The following SLC18A1 variants were observed in gnomAD, a reference collection of about 807,000 sequenced individuals.
SLC18A1 encodes the protein solute carrier family 18 member A1, also known as chromaffin granule amine transporter.
In SLC18A1, 69 loss-of-function variants were observed where a neutral mutation model predicts 53.7. The observed-to-expected ratio is 1.28, with a 90% CI of 1.06 to 1.57. SLC18A1 has a LOEUF of 1.57. Ranked by LOEUF, SLC18A1 falls within the 40% of genes most tolerant of loss-of-function variation. The pLI is 0.00. For synonymous variants in SLC18A1, 320 were observed against 248.1 expected (o/e 1.29, Z -2.72); for missense variants, 932 against 668.1 (o/e 1.40, Z -4.35).
At position 20,179,380 on chromosome 8, in the gene SLC18A1, C is replaced by T; in HGVS notation, c.229G>A (p.Ala77Thr). Residue 77 changes from alanine to threonine, a missense_variant, in exon 3 of 16, where the codon GCC becomes ACC. Transcript: ENST00000276373. Reference protein sequence around the residue: ...GSSPHALASPAFSTIFSFFNN... With the variant: ...GSSPHALASPTFSTIFSFFNN... ...AAGAAGGAGAAGATGGTGGAAAAGG[C>T]AGGAGAGGCGAGGGCATGTGGGGAA... The T allele has an allele frequency of 6.2e-7, 1 of 1,614,086 alleles. No individual in the cohort carries two copies.
Position 20,173,266 on chromosome 8 carries a change from C to A in SLC18A1, c.632-138G>T, listed in dbSNP as rs911515424. ...GTTTGAGGGGTTTTACAAAACTTAA[C>A]CCGTAGTATTTTTCAAGTACTACCC... On this transcript the variant is annotated intron_variant, in intron 5 of 15. Transcript: ENST00000276373. 3.8e-5 allele frequency: 25 copies of A among 658,892 alleles called. No homozygotes were observed. In the African/African-American group the frequency reaches 4.4e-4, roughly 12 times the overall value. The allele number at this position is 658,892 out of a possible 1,614,324, so 40.8% of individuals were successfully genotyped here. A position where few individuals can be genotyped will look rare whatever the true frequency, so the allele number is the denominator to read the frequency against.
chr8:20,146,071 A>T (rs1344654992), intron 15 of SLC18A1, among the ~76,000 whole-genome samples, 195 bp from the exon 16 acceptor site: 1 of 151,800 alleles, frequency 6.6e-6, no homozygotes, highest in Non-Finnish European at 1.5e-5. Context: ...GCCCATCACC[A>T]CGCCAGGCTA....
intron 4 of SLC18A1, among the ~76,000 whole-genome samples, 153 bp downstream of exon 4, chr8:20,178,282 T>C (rs1399683436): frequency 6.6e-6 from 1 of 152,152 alleles, no homozygotes; most frequent in African/African-American, 2.4e-5. Flanking sequence ...CTAGTCCACA[T>C]ACCAAAAACA....
At chr8:20,156,458 T>C (rs1238646593) in intron 10 of SLC18A1, among the ~76,000 whole-genome samples, 1 of 152,148 alleles carries the variant, frequency 6.6e-6, no homozygotes, top group Non-Finnish European at 1.5e-5. Context: ...GACAGGAAGA[T>C]AGATGGTTCC....
chr8:20,158,648 C>G (rs946947479), intron 10 of SLC18A1, among the ~76,000 whole-genome samples: 1 of 152,144 alleles, frequency 6.6e-6, no homozygotes, highest in Non-Finnish European at 1.5e-5. Flanking sequence ...TATGCAACAG[C>G]CCCTGCAGTA....
chr8:20,178,392 A>T, intron 4 of SLC18A1, 43 bp downstream of exon 4: 2 of 1,491,844 alleles, frequency 1.3e-6, no homozygotes, highest in Admixed American at 3.6e-5. Flanking sequence ...ATAAAATCAA[A>T]GGTAATCAGT....
At chr8:20,147,754 C>G in intron 13 of SLC18A1, 32 bp from the exon 14 acceptor site, 1 of 1,606,526 alleles carries the variant, frequency 6.2e-7, no homozygotes, top group South Asian at 1.1e-5. Context: ...CACAGTCAGC[C>G]CCACCCACAG....
chr8:20,155,091 C>T (rs1176877298), intron 10 of SLC18A1, among the ~76,000 whole-genome samples: 1 of 152,128 alleles, frequency 6.6e-6, no homozygotes. Context: ...CACCACATGG[C>T]CCAAGGTTCC....
At chr8:20,172,591 CT>C (rs2072150871) in intron 6 of SLC18A1, among the ~76,000 whole-genome samples, 1 of 152,188 alleles carries the variant, frequency 6.6e-6, no homozygotes, top group Non-Finnish European at 1.5e-5. Flanking sequence ...TGTATCCTGG[CT>C]GTGGCGTTTC....
chr8:20,145,526 C>T lies in SLC18A1; in HGVS notation c.*237G>A, dbSNP rs1490246283. On this transcript the variant is annotated 3_prime_UTR_variant, in exon 16 of 16. Transcript: ENST00000276373. ...TCAACCTCACAGCAGCGGGAAGGTG[C>T]ATCACTCTGTCTTCCCATAAAAGAT... The T allele has an allele frequency of 1.9e-5, 7 of 361,074 alleles. No individual in the cohort carries two copies. The highest frequency in any genetic ancestry group is 1.8e-4 in the East Asian group (4 of 22,380). 22.4% of individuals were successfully genotyped at this position (361,074 alleles called of 1,614,324 possible). A position where few individuals can be genotyped will look rare whatever the true frequency, so the allele number is the denominator to read the frequency against.
At chr8:20,152,507 G>A (rs1048732470) in intron 10 of SLC18A1, among the ~76,000 whole-genome samples, 5 of 152,136 alleles carry the variant, frequency 3.3e-5, no homozygotes, top group East Asian at 1.9e-4. Flanking sequence ...AAGACATAGC[G>A]GGAGTGAGGA....
At chr8:20,182,154 T>G (rs1007651934) in intron 1 of SLC18A1, among the ~76,000 whole-genome samples, 3 of 152,074 alleles carry the variant, frequency 2.0e-5, no homozygotes, top group African/African-American at 4.8e-5. Context: ...CATCATGAAA[T>G]CTATCAGGCC....
chr8:20,178,023 G>A (rs892568133), intron 4 of SLC18A1, among the ~76,000 whole-genome samples: 1 of 151,590 alleles, frequency 6.6e-6, no homozygotes, highest in African/African-American at 2.4e-5. Context: ...CCATTTTTTT[G>A]TGAGTTGCCC....
intron 12 of SLC18A1, among the ~76,000 whole-genome samples, 178 bp downstream of exon 12, chr8:20,149,498 C>T (rs908850867): frequency 1.3e-5 from 2 of 152,068 alleles, no homozygotes; most frequent in African/African-American, 4.8e-5. Flanking sequence ...TATTCAGAAA[C>T]AGTCTTTCTG....
rs80008242 is a variant in SLC18A1 at position 20,151,147 on chromosome 8, G to T, written c.1016-403C>A. 2.0e-3 allele frequency among the ~76,000 whole-genome samples: 278 copies of T among 138,544 alleles called. 3 individuals carry two copies. In the East Asian group the frequency reaches 0.021, roughly 10 times the overall value. The allele number at this position is 138,544 out of a possible 152,430, so 90.9% of individuals were successfully genotyped here. On this transcript the variant is annotated intron_variant, in intron 10 of 15. Transcript: ENST00000276373. ...CCACCACACCTAGTTGTTTTTTTTT[G>T]TTTTTTTTTTGTTTGTTTGTTTGTT...
chr8:20,145,734 A>G lies in SLC18A1; in HGVS notation c.*29T>C. The G allele has an allele frequency of 7.0e-7, 1 of 1,431,856 alleles. No homozygotes were observed. Among genetic ancestry groups the G allele is most frequent in the Non-Finnish European group, 9.8e-7 (1 of 1,022,382 alleles). 88.7% of individuals were successfully genotyped at this position (1,431,856 alleles called of 1,614,324 possible). Reference sequence around the variant, plus strand: ...CAGGGAAAGAGGTGGTCACTGAGGCATCATGAATTCAAGGAGCACCTTCTG... The same window carrying G: ...CAGGGAAAGAGGTGGTCACTGAGGCGTCATGAATTCAAGGAGCACCTTCTG... On this transcript the variant is annotated 3_prime_UTR_variant, in exon 16 of 16. Transcript: ENST00000276373.
At chr8:20,157,342 T>C (rs2071708258) in intron 10 of SLC18A1, among the ~76,000 whole-genome samples, 1 of 152,118 alleles carries the variant, frequency 6.6e-6, no homozygotes, top group African/African-American at 2.4e-5. Context: ...CTCTGGTATC[T>C]CAGTCAGGTC....
intron 8 of SLC18A1, 65 bp from the exon 9 acceptor site, chr8:20,165,172 A>T (rs1436466685): frequency 7.1e-7 from 1 of 1,406,102 alleles, no homozygotes; most frequent in East Asian, 2.3e-5. Context: ...ATTTTCACAG[A>T]ATCTGAGAAA....
intron 10 of SLC18A1, among the ~76,000 whole-genome samples, chr8:20,151,609 G>A (rs968972057): frequency 9.2e-5 from 14 of 152,194 alleles, no homozygotes; most frequent in Non-Finnish European, 4.4e-5. Context: ...ATTAGGTAAT[G>A]CATGCAAAAG....
Sources: allele counts gnomAD v4.1 joint callset (sites outside exome capture counted in the v4.1 genomes callset), GRCh38; gene constraint gnomAD v4.1.1; transcripts MANE v1.5; gene names NCBI Gene and HGNC (gene_info 2026-07-23, HGNC 2026-07-21).